Variants in SLC35F4 observed in about 807,000 individuals in gnomAD.
The protein encoded by SLC35F4 is solute carrier family 35 member F4, also known as chromosome 14 open reading frame 36.
In SLC35F4, 24 loss-of-function variants were observed where a neutral mutation model predicts 44.2. The observed-to-expected ratio is 0.54, with a 90% CI of 0.39 to 0.76. The LOEUF (loss-of-function observed/expected upper bound fraction) is 0.76, where lower values mean the gene tolerates loss of function less well. Among genes scored for constraint, SLC35F4 ranks in the 30% least tolerant of loss-of-function variants. The pLI is 0.00. For synonymous variants in SLC35F4, 238 were observed against 223.6 expected (o/e 1.06, Z -0.57); for missense variants, 562 against 586.1 (o/e 0.96, Z 0.42).
chr14:57,570,398 A>T (rs2068437375), intron 5 of SLC35F4, among the ~76,000 whole-genome samples: 1 of 152,198 alleles, frequency 6.6e-6, no homozygotes, highest in Non-Finnish European at 1.5e-5. Context: ...GGACAGAGAG[A>T]CCCTGTCATT....
intron 1 of SLC35F4, among the ~76,000 whole-genome samples, chr14:57,679,263 C>T (rs2074806779): frequency 1.3e-5 from 2 of 152,040 alleles, no homozygotes; most frequent in Non-Finnish European, 2.9e-5. Flanking sequence ...ACAACCTGCT[C>T]CTGAATGACT....
chr14:57,801,320 C>T (rs573901786), intron 1 of SLC35F4, among the ~76,000 whole-genome samples: 11 of 152,216 alleles, frequency 7.2e-5, no homozygotes, highest in African/African-American at 1.2e-4. Context: ...CAAATGCTTA[C>T]GGAATTTATC....
At chr14:57,640,487 G>A (rs1159660725) in intron 1 of SLC35F4, among the ~76,000 whole-genome samples, 2 of 151,948 alleles carry the variant, frequency 1.3e-5, no homozygotes, top group African/African-American at 2.4e-5. Flanking sequence ...TAACTCCCCT[G>A]TTTTATTTTG....
chr14:57,870,350 C>T (rs1025703865), upstream of SLC35F4, among the ~76,000 whole-genome samples: 1 of 152,158 alleles, frequency 6.6e-6, no homozygotes, highest in African/African-American at 2.4e-5. Flanking sequence ...TTGGAGCAGA[C>T]TGCCAGGAGT....
intron 1 of SLC35F4, among the ~76,000 whole-genome samples, chr14:57,859,935 G>A (rs1887539162): frequency 6.6e-6 from 1 of 152,314 alleles, no homozygotes; most frequent in East Asian, 1.9e-4. Flanking sequence ...TTGGTTTTAT[G>A]TGTGACATGA....
intron 1 of SLC35F4, among the ~76,000 whole-genome samples, chr14:57,904,100 T>C (rs1889064299): frequency 6.6e-6 from 1 of 152,226 alleles, no homozygotes; most frequent in Non-Finnish European, 1.5e-5. Flanking sequence ...AGTTTAATAT[T>C]CTGATGCAAC....
chr14:57,679,953 G>T (rs545495475), intron 1 of SLC35F4, among the ~76,000 whole-genome samples: 2 of 152,154 alleles, frequency 1.3e-5, no homozygotes, highest in Non-Finnish European at 2.9e-5. Flanking sequence ...GCACAAAGAG[G>T]AGCTGGTACC....
intron 1 of SLC35F4, among the ~76,000 whole-genome samples, chr14:57,731,258 G>C (rs1179651151): frequency 6.6e-6 from 1 of 152,090 alleles, no homozygotes; most frequent in Admixed American, 6.6e-5. Context: ...TTAATAAGTG[G>C]GTACCAAGTT....
At chr14:57,707,490 C>T (rs895877927) in intron 1 of SLC35F4, among the ~76,000 whole-genome samples, 6 of 152,158 alleles carry the variant, frequency 3.9e-5, no homozygotes, top group African/African-American at 1.2e-4. Context: ...TTCCCCTTCA[C>T]GTTCTGCCAT....
chr14:57,951,375 C>T (rs757694407), intron 1 of SLC35F4, among the ~76,000 whole-genome samples: 11 of 152,092 alleles, frequency 7.2e-5, no homozygotes, highest in Admixed American at 2.6e-4. Flanking sequence ...GGGCAGACAC[C>T]GAGCTAGCTG....
At chr14:57,836,708 CTT>C (rs1350308914) in intron 1 of SLC35F4, among the ~76,000 whole-genome samples, 12 of 152,156 alleles carry the variant, frequency 7.9e-5, no homozygotes, top group African/African-American at 2.9e-4. Context: ...CATGACCAAT[CTT>C]GTTTCCTTTG....
At chr14:57,827,366 G>A (rs899802348) in intron 1 of SLC35F4, among the ~76,000 whole-genome samples, 2 of 152,122 alleles carry the variant, frequency 1.3e-5, no homozygotes, top group African/African-American at 4.8e-5. Context: ...GGGGGAGGGA[G>A]AGCATCAGGA....
intron 1 of SLC35F4, among the ~76,000 whole-genome samples, chr14:57,673,417 G>T (rs759887522): frequency 6.6e-6 from 1 of 152,098 alleles, no homozygotes; most frequent in African/African-American, 2.4e-5. Context: ...ACCCCTGTGG[G>T]TATAATTTCC....
chr14:57,665,897 A>C (rs755070749), intron 1 of SLC35F4, among the ~76,000 whole-genome samples: 6 of 152,202 alleles, frequency 3.9e-5, no homozygotes, highest in Non-Finnish European at 8.8e-5. Flanking sequence ...CAACTACCAC[A>C]TGTTCTCACT....
chr14:57,594,473 A>T (rs1180028062), intron 1 of SLC35F4, among the ~76,000 whole-genome samples: 3 of 151,942 alleles, frequency 2.0e-5, no homozygotes, highest in African/African-American at 4.8e-5. Flanking sequence ...TAATGAGCTT[A>T]TTCAAATTCT....
At chr14:57,931,000 T>C (rs1221142408) in intron 1 of SLC35F4, among the ~76,000 whole-genome samples, 1 of 152,238 alleles carries the variant, frequency 6.6e-6, no homozygotes, top group Non-Finnish European at 1.5e-5. Flanking sequence ...TTGTGTGATG[T>C]TTCACTTTAT....
At chr14:57,798,604 T>G (rs926781831) in intron 1 of SLC35F4, among the ~76,000 whole-genome samples, 4 of 152,244 alleles carry the variant, frequency 2.6e-5, no homozygotes, top group African/African-American at 7.2e-5. Flanking sequence ...ATAAGCATGA[T>G]GCTGTCGAGC....
chr14:57,586,675 A>G (rs556961910), intron 3 of SLC35F4, among the ~76,000 whole-genome samples: 74 of 135,736 alleles, frequency 5.5e-4, no homozygotes, highest in African/African-American at 1.9e-3. Context: ...CCGAGATCAC[A>G]CCACTGCACT....
At chr14:57,607,638 C>T (rs1016756338) in intron 1 of SLC35F4, among the ~76,000 whole-genome samples, 1 of 152,222 alleles carries the variant, frequency 6.6e-6, no homozygotes, top group Non-Finnish European at 1.5e-5. Flanking sequence ...TTCCAAGACA[C>T]TCACTGCCAT....
Sources: gnomAD v4.1 joint callset for allele counts (sites outside exome capture counted in the v4.1 genomes callset) on GRCh38, gnomAD v4.1.1 for gene constraint, MANE v1.5 for transcripts, NCBI Gene and HGNC (gene_info 2026-07-23, HGNC 2026-07-21) for gene names.